Variants in FOCAD observed in about 807,000 individuals in gnomAD.
FOCAD encodes the protein KIAA1797.
Under a neutral mutation model 225.6 loss-of-function variants are expected in FOCAD, and 198 were observed. That is an observed-to-expected ratio of 0.88 (90% CI 0.78 to 0.99). The LOEUF (loss-of-function observed/expected upper bound fraction) is 0.99, where lower values mean the gene tolerates loss of function less well. FOCAD is among the 50% of genes least tolerant of loss of function. The pLI is 0.00. For synonymous variants in FOCAD, 897 were observed against 755.0 expected (o/e 1.19, Z -3.08); for missense variants, 2,713 against 2,123.6 (o/e 1.28, Z -5.46).
chr9:20,923,897 C>T, intron 25 of FOCAD, 129 bp downstream of exon 25: 1 of 653,240 alleles, frequency 1.5e-6, no homozygotes, highest in East Asian at 2.7e-5. Context: ...CTTGATGGGC[C>T]TTTATACTGT....
upstream of FOCAD, among the ~76,000 whole-genome samples, chr9:20,682,817 C>A (rs2131302978): frequency 6.6e-6 from 1 of 152,312 alleles, no homozygotes; most frequent in African/African-American, 2.4e-5. Flanking sequence ...CCATCAGAGG[C>A]TGGAGTGCAG....
At chr9:20,662,196 G>T (rs1373768391) in intron 2 of FOCAD, among the ~76,000 whole-genome samples, 1 of 148,370 alleles carries the variant, frequency 6.7e-6, no homozygotes, top group Non-Finnish European at 1.5e-5. Context: ...GTGTGTGTGT[G>T]TGCATATATG....
rs1465864237 is a variant in FOCAD at position 20,946,808 on chromosome 9, G to A, written c.3663G>A (p.Glu1221=). 1.2e-6 allele frequency: 2 copies of A among 1,613,652 alleles called. No individual in the cohort carries two copies. Among genetic ancestry groups the A allele is most frequent in the Non-Finnish European group, 1.7e-6 (2 of 1,179,678 alleles). ...DVMNKLRLLV[E]NSQQTSGFAL... The stretch of plus-strand genomic sequence containing the variant: ...TGAACAAGCTTCGACTGTTAGTGGA[G>A]AATAGCCAGCAGGTTGGAACGTGTG... Residue 1221 remains glutamate (E), a synonymous_variant, in exon 30 of 44, where the codon GAG becomes GAA. Coordinates refer to ENST00000338382, the MANE Select transcript of FOCAD (RefSeq NM_001375567.1).
chr9:20,908,354 A>G (rs1057293092), intron 22 of FOCAD, among the ~76,000 whole-genome samples: 1 of 151,986 alleles, frequency 6.6e-6, no homozygotes, highest in Admixed American at 6.6e-5. Flanking sequence ...TGTCTGGGCA[A>G]TGGTGTTCTA....
chr9:20,845,694 C>T (rs1450793986), intron 15 of FOCAD, among the ~76,000 whole-genome samples: 2 of 151,920 alleles, frequency 1.3e-5, no homozygotes, highest in African/African-American at 2.4e-5. Flanking sequence ...AAAGATTTCT[C>T]CCATATGGAC....
At chr9:20,992,745 G>C (rs1484478937) in intron 42 of FOCAD, among the ~76,000 whole-genome samples, 1 of 152,086 alleles carries the variant, frequency 6.6e-6, no homozygotes, top group Non-Finnish European at 1.5e-5. Context: ...GAATCACAAG[G>C]TCAAGAGATC....
At chr9:20,991,230 C>A (rs1418025878) in intron 42 of FOCAD, among the ~76,000 whole-genome samples, 7 of 152,288 alleles carry the variant, frequency 4.6e-5, no homozygotes, top group Non-Finnish European at 8.8e-5. Flanking sequence ...TACTGTACTT[C>A]TCATTATATG....
chr9:20,936,321 A>G (rs949668244), intron 28 of FOCAD, among the ~76,000 whole-genome samples: 2 of 152,214 alleles, frequency 1.3e-5, no homozygotes, highest in Admixed American at 6.5e-5. Flanking sequence ...CATACTTTCT[A>G]TCTTGTTAGT....
At chr9:20,712,397 C>G (rs532066067) in intron 1 of FOCAD, among the ~76,000 whole-genome samples, 4 of 152,280 alleles carry the variant, frequency 2.6e-5, no homozygotes, top group African/African-American at 9.6e-5. Context: ...TGGTGGCTCA[C>G]GCCTGTAATC....
chr9:20,936,354 T>A (rs931884731), intron 28 of FOCAD, among the ~76,000 whole-genome samples: 4 of 152,212 alleles, frequency 2.6e-5, no homozygotes, highest in Admixed American at 2.6e-4. Context: ...AAAGGGTAAA[T>A]GATATGGTAG....
upstream of FOCAD, among the ~76,000 whole-genome samples, chr9:20,656,784 G>A (rs1821492720): frequency 6.6e-6 from 1 of 152,160 alleles, no homozygotes; most frequent in Non-Finnish European, 1.5e-5. Context: ...TACATTTAAA[G>A]TTAATAGCGT....
chr9:20,990,406 A>G (rs952764642), intron 42 of FOCAD, 32 bp downstream of exon 42: 2 of 1,608,278 alleles, frequency 1.2e-6, no homozygotes. Context: ...TTAGCAGGGC[A>G]GGCAGCCATT....
At chr9:20,665,005 G>A (rs1490154047) in intron 2 of FOCAD, among the ~76,000 whole-genome samples, 1 of 151,868 alleles carries the variant, frequency 6.6e-6, no homozygotes, top group African/African-American at 2.4e-5. Context: ...GCCTTATGAC[G>A]AATAAGTTGG....
intron 1 of FOCAD, among the ~76,000 whole-genome samples, chr9:20,695,700 T>A (rs1823314680): frequency 6.6e-6 from 1 of 152,234 alleles, no homozygotes; most frequent in Admixed American, 6.5e-5. Context: ...TCTCTGTATC[T>A]TACTGGTTTC....
At chr9:20,656,736 G>T (rs948642447), upstream of FOCAD, among the ~76,000 whole-genome samples, 1 of 152,150 alleles carries the variant, frequency 6.6e-6, no homozygotes, top group Admixed American at 6.5e-5. Flanking sequence ...TATCCAATTT[G>T]CCAGTCTGTG....
At chr9:20,934,516 T>G (rs1337035568) in intron 28 of FOCAD, among the ~76,000 whole-genome samples, 1 of 147,928 alleles carries the variant, frequency 6.8e-6, no homozygotes. Flanking sequence ...CCACTTGATG[T>G]TTTTTTTTCT....
intron 28 of FOCAD, among the ~76,000 whole-genome samples, chr9:20,941,332 C>A (rs957319431): frequency 6.6e-6 from 1 of 152,176 alleles, no homozygotes; most frequent in African/African-American, 2.4e-5. Context: ...ATGCAGTCAT[C>A]AATGACCCAA....
intron 35 of FOCAD, among the ~76,000 whole-genome samples, chr9:20,959,678 T>A (rs148593689): frequency 6.6e-4 from 101 of 152,264 alleles, no homozygotes; most frequent in African/African-American, 2.3e-3. Flanking sequence ...CTTACATTTA[T>A]GTCTTTGATG....
intron 11 of FOCAD, among the ~76,000 whole-genome samples, chr9:20,817,610 G>A (rs1823862259): frequency 1.3e-5 from 2 of 149,920 alleles, no homozygotes; most frequent in South Asian, 2.1e-4. Flanking sequence ...GGTTGTTCTG[G>A]GCATTCTGCT....
Sources: allele counts gnomAD v4.1 joint callset (sites outside exome capture counted in the v4.1 genomes callset), GRCh38; gene constraint gnomAD v4.1.1; transcripts MANE v1.5; gene names NCBI Gene and HGNC (gene_info 2026-07-23, HGNC 2026-07-21).